Variants in HAAO observed in about 807,000 individuals in gnomAD.
HAAO encodes 3-hydroxyanthranilate oxygenase.
A neutral mutation model predicts 46.2 loss-of-function variants in HAAO; 49 were observed. The ratio of observed to expected loss-of-function variants is 1.06; its 90% confidence interval spans 0.84 to 1.34. HAAO has a LOEUF of 1.34. Ranked by LOEUF, HAAO falls within the 40% of genes most tolerant of loss-of-function variation. The pLI, the probability that HAAO is intolerant of heterozygous loss-of-function variation, is 0.00. For missense variants in HAAO, 408 were observed against 364.5 expected (o/e 1.12, Z -0.97); for synonymous variants, 157 against 145.2 (o/e 1.08, Z -0.58).
At chr2:42,770,672 C>T (rs1406113717) in intron 4 of HAAO, 90 bp from the exon 5 acceptor site, 1 of 703,424 alleles carries the variant, frequency 1.4e-6, no homozygotes, top group African/African-American at 1.8e-5. Context: ...TTGTAGAAGT[C>T]CCTGCAGAGC....
At chr2:42,791,478 C>T (rs892565753) in intron 1 of HAAO, among the ~76,000 whole-genome samples, 6 of 151,336 alleles carry the variant, frequency 4.0e-5, no homozygotes, top group Non-Finnish European at 5.9e-5. Context: ...GAGATATTGA[C>T]TGTTGGCCAT....
chr2:42,775,343 C>CT (rs1671469483), intron 4 of HAAO, among the ~76,000 whole-genome samples: 1 of 151,148 alleles, frequency 6.6e-6, no homozygotes, highest in Non-Finnish European at 1.5e-5. Flanking sequence ...ATTTTGACTG[C>CT]TAAGGGGCTT....
chr2:42,779,079 C>T (rs976086101), intron 4 of HAAO, among the ~76,000 whole-genome samples: 2 of 152,062 alleles, frequency 1.3e-5, no homozygotes, highest in African/African-American at 4.8e-5. Context: ...CACCATTGCA[C>T]TCCAGCCTGC....
rs189169920 is a variant in HAAO at position 42,770,757 on chromosome 2, C to T, written c.351-175G>A. On this transcript the variant is annotated intron_variant, in intron 4 of 9. Transcript: ENST00000294973. Reference sequence around the variant, plus strand: ...TAACACCTTGCTCTTCAGAAGCACACGTGCGCCCCCTGAGAGGGCTACTAT... The same window carrying T: ...TAACACCTTGCTCTTCAGAAGCACATGTGCGCCCCCTGAGAGGGCTACTAT... Among the ~76,000 whole-genome samples the T allele has an allele frequency of 2.2e-3, 330 of 152,266 alleles. 1 individual carries two copies. Among genetic ancestry groups the T allele is most frequent in the African/African-American group, 6.9e-3 (288 of 41,548 alleles).
At chr2:42,770,969 C>CG (rs1173713404) in intron 4 of HAAO, among the ~76,000 whole-genome samples, 12 of 152,336 alleles carry the variant, frequency 7.9e-5, no homozygotes, top group Admixed American at 5.9e-4. Context: ...AGCATCTAAT[C>CG]GCAGTTCTTT....
In HAAO at chr2:42,767,333, G is replaced by T. The variant is rs928342811; in HGVS notation, c.*104C>A. The T allele has an allele frequency of 1.3e-6, 1 of 780,972 alleles. No homozygotes were observed. 48.4% of individuals were successfully genotyped at this position (780,972 alleles called of 1,614,324 possible). A position where few individuals can be genotyped will look rare whatever the true frequency, so the allele number is the denominator to read the frequency against. ...TGTGCAGGTCTGTGGGGGACACAGC[G>T]GCAGTACACAGAGAGGTAGTGGGGG... On this transcript the variant is annotated 3_prime_UTR_variant, in exon 10 of 10. Coordinates refer to ENST00000294973, the MANE Select transcript of HAAO (RefSeq NM_012205.3).
chr2:42,770,761 C>A (rs761263222), intron 4 of HAAO, among the ~76,000 whole-genome samples, 179 bp from the exon 5 acceptor site: 1 of 152,202 alleles, frequency 6.6e-6, no homozygotes, highest in South Asian at 2.1e-4. Flanking sequence ...AGCACACGTG[C>A]GCCCCCTGAG....
At chr2:42,786,468 C>T (rs956692667) in intron 2 of HAAO, among the ~76,000 whole-genome samples, 4 of 152,130 alleles carry the variant, frequency 2.6e-5, no homozygotes, top group Admixed American at 6.5e-5. Context: ...GCAGAAAGGG[C>T]GAGAGGTGTA....
intron 4 of HAAO, among the ~76,000 whole-genome samples, chr2:42,772,933 CAAAAAAAAAAAAA>C (rs530541628): frequency 2.2e-5 from 2 of 92,480 alleles, no homozygotes; most frequent in African/African-American, 7.5e-5. Context: ...GCCCCCATAT[CAAAAAAAAAAAAA>C]AAAAAAAACC....
intron 1 of HAAO, among the ~76,000 whole-genome samples, chr2:42,789,504 G>A (rs1214637799): frequency 2.0e-5 from 3 of 152,174 alleles, no homozygotes; most frequent in Non-Finnish European, 4.4e-5. Flanking sequence ...TGAGAGGTGA[G>A]GTTGCAGTGA....
At chr2:42,777,296 C>T (rs1432748912) in intron 4 of HAAO, among the ~76,000 whole-genome samples, 1 of 97,288 alleles carries the variant, frequency 1.0e-5, no homozygotes. Flanking sequence ...GAGCAAGACT[C>T]TTATCGCAAA....
Position 42,769,602 on chromosome 2 carries a change from TGTGA to T in HAAO, c.630+107_630+110del, listed in dbSNP as rs1174498975. 19 of 729,772 alleles carry T rather than the reference TGTGA, an allele frequency of 2.6e-5. No individual in the cohort carries two copies. The African/African-American group carries it at 3.1e-4, about 12-fold the overall frequency. The allele number at this position is 729,772 out of a possible 1,614,324, so 45.2% of individuals were successfully genotyped here. ...GTGTGTGTGTGTGTGTGTGTGTGTG[TGTGA>T]GTGTGTGTGTGAAAGAGAGAGAGAG... On this transcript the variant is annotated intron_variant, in intron 7 of 9. Coordinates refer to ENST00000294973, the MANE Select transcript of HAAO (RefSeq NM_012205.3).
In HAAO at chr2:42,773,804, T is replaced by C. The variant is rs574324208; in HGVS notation, c.351-3222A>G. On this transcript the variant is annotated intron_variant, in intron 4 of 9. Transcript: ENST00000294973. ...GGTTTCACCATGTTAGCCAGGATGGTCTCTCTCGATCTCCTGACCTCGTGA... is the reference window on the plus strand; with the variant it reads ...GGTTTCACCATGTTAGCCAGGATGGCCTCTCTCGATCTCCTGACCTCGTGA... Among the ~76,000 whole-genome samples, 6 of 152,196 alleles carry C rather than the reference T, an allele frequency of 3.9e-5. No homozygotes were observed. In the South Asian group the frequency reaches 1.2e-3, roughly 32 times the overall value.
chr2:42,784,380 A>G (rs1672238029), intron 2 of HAAO, among the ~76,000 whole-genome samples: 1 of 152,054 alleles, frequency 6.6e-6, no homozygotes, highest in Non-Finnish European at 1.5e-5. Flanking sequence ...GCTTGGATCC[A>G]AGGCCGTATG....
Position 42,772,818 on chromosome 2 carries a change from C to A in HAAO, c.351-2236G>T, listed in dbSNP as rs182640874. Among the ~76,000 whole-genome samples, 25 of 152,010 alleles carry A rather than the reference C, an allele frequency of 1.6e-4. No individual in the cohort carries two copies. The East Asian group carries it at 4.8e-3, about 29-fold the overall frequency. On this transcript the variant is annotated intron_variant, in intron 4 of 9. Transcript: ENST00000294973. Reference sequence around the variant, plus strand: ...TAACAAAAGATGTAGGCCAAAGTATCCTGTTCCTGGTGACCTGATGGGAAA... The same window carrying A: ...TAACAAAAGATGTAGGCCAAAGTATACTGTTCCTGGTGACCTGATGGGAAA...
At position 42,788,589 on chromosome 2, in the gene HAAO, T is replaced by C. The variant is rs1243799481; in HGVS notation, c.99A>G (p.Lys33=). ...TGTTGGGGCCTCCGATGAACATGAC[T>C]TTGAGCTGCTCCTGGTGCCTGCAAT... The part of the protein sequence containing the change: ...CNKLMHQEQL[K]VMFIGGPNTR... Residue 33 remains lysine, a synonymous_variant, in exon 2 of 10, where the codon AAA becomes AAG. Coordinates refer to ENST00000294973, the MANE Select transcript of HAAO (RefSeq NM_012205.3). The C allele has an allele frequency of 1.3e-6, 2 of 1,591,096 alleles. No homozygotes were observed. The highest frequency in any genetic ancestry group is 1.7e-6 in the Non-Finnish European group (2 of 1,159,420).
At chr2:42,770,828 A>G (rs539874108) in intron 4 of HAAO, among the ~76,000 whole-genome samples, 1 of 152,168 alleles carries the variant, frequency 6.6e-6, no homozygotes, top group Non-Finnish European at 1.5e-5. Context: ...ACTAGACCCA[A>G]ACTGGTTCCC....
At position 42,792,558 on chromosome 2, in the gene HAAO, G is replaced by C; in HGVS notation, c.-22C>G. ...CCATGACTGTCCCGGGCGCCTCCTC[G>C]CAGCGCTGTCCTCCCGCCGTCGGAG... On this transcript the variant is annotated 5_prime_UTR_variant, in exon 1 of 10. Transcript: ENST00000294973. 2 of 1,524,342 alleles carry C rather than the reference G, an allele frequency of 1.3e-6. No individual in the cohort carries two copies. The highest frequency in any genetic ancestry group is 8.8e-7 in the Non-Finnish European group (1 of 1,136,308). The allele number at this position is 1,524,342 out of a possible 1,614,324, so 94.4% of individuals were successfully genotyped here.
chr2:42,772,887 G>A (rs944043341), intron 4 of HAAO, among the ~76,000 whole-genome samples: 12 of 143,466 alleles, frequency 8.4e-5, no homozygotes, highest in African/African-American at 3.1e-4. Flanking sequence ...TAATGATCAC[G>A]CCACTGCATT....
Sources: gnomAD v4.1 joint callset for allele counts (sites outside exome capture counted in the v4.1 genomes callset) on GRCh38, gnomAD v4.1.1 for gene constraint, MANE v1.5 for transcripts, NCBI Gene and HGNC (gene_info 2026-07-23, HGNC 2026-07-21) for gene names.